VPS13B: variants seen among roughly 807,000 people sequenced by gnomAD.
VPS13B encodes vacuolar protein sorting 13 homolog B.
VPS13B carries 285 observed loss-of-function variants against 426.4 expected under a neutral mutation model. That is an observed-to-expected ratio of 0.67 (90% CI 0.61 to 0.74). The LOEUF (loss-of-function observed/expected upper bound fraction) is 0.74, where lower values mean the gene tolerates loss of function less well. VPS13B is among the 30% of genes least tolerant of loss of function. The pLI is 0.00. For synonymous variants in VPS13B, 1,676 were observed against 1,676.4 expected (o/e 1.00, Z 0.01); for missense variants, 4,537 against 4,782.6 (o/e 0.95, Z 1.51).
At chr8:99,273,825 C>T (rs1045560086) in intron 17 of VPS13B, among the ~76,000 whole-genome samples, 8 of 151,804 alleles carry the variant, frequency 5.3e-5, no homozygotes, top group Admixed American at 3.9e-4. Flanking sequence ...ATAAAGTCTT[C>T]GCCTAAATTA....
At chr8:99,543,976 G>T (rs375545961) in intron 30 of VPS13B, among the ~76,000 whole-genome samples, 7 of 143,558 alleles carry the variant, frequency 4.9e-5, no homozygotes, top group African/African-American at 7.9e-5. Flanking sequence ...TATACCCAAA[G>T]GACTATAAAT....
At chr8:99,385,120 A>T (rs1814044552) in intron 20 of VPS13B, among the ~76,000 whole-genome samples, 1 of 152,250 alleles carries the variant, frequency 6.6e-6, no homozygotes, top group Non-Finnish European at 1.5e-5. Context: ...ATAAATTAGA[A>T]AGTAGTAAGT....
At chr8:99,776,685 G>A in intron 40 of VPS13B, 90 bp from the exon 41 acceptor site, 1 of 1,233,508 alleles carries the variant, frequency 8.1e-7, no homozygotes, top group South Asian at 1.2e-5. Context: ...TTCAGTACTA[G>A]TTTTAGAAAC....
At chr8:99,865,269 C>T (rs1034211746) in intron 58 of VPS13B, among the ~76,000 whole-genome samples, 2 of 152,256 alleles carry the variant, frequency 1.3e-5, no homozygotes, top group Non-Finnish European at 2.9e-5. Flanking sequence ...TGAGAAAGGA[C>T]GTGCAGCTCC....
intron 17 of VPS13B, among the ~76,000 whole-genome samples, chr8:99,272,644 C>G (rs1394212219): frequency 6.6e-6 from 1 of 152,004 alleles, no homozygotes; most frequent in East Asian, 1.9e-4. Context: ...ATGAGGTTCT[C>G]CCTTTTGATT....
intron 17 of VPS13B, among the ~76,000 whole-genome samples, chr8:99,246,985 AATAG>A (rs554291496): frequency 3.9e-4 from 60 of 152,366 alleles, no homozygotes; most frequent in Non-Finnish European, 8.1e-4. Context: ...TTTCTTGCCT[AATAG>A]ATAGTGAACT....
chr8:99,471,923 A>G (rs3134160), intron 24 of VPS13B, among the ~76,000 whole-genome samples: 40,558 of 152,048 alleles, frequency 0.27, 6,198 homozygotes, highest in East Asian at 0.45. Flanking sequence ...GGGAAGTAAA[A>G]CAAGATGCTA....
intron 51 of VPS13B, among the ~76,000 whole-genome samples, chr8:99,825,834 C>T (rs1342714989): frequency 6.6e-6 from 1 of 152,164 alleles, no homozygotes; most frequent in East Asian, 1.9e-4. Flanking sequence ...AGAATCCTTT[C>T]CTCATTGCTT....
At chr8:99,665,019 G>A (rs1830422226) in intron 35 of VPS13B, among the ~76,000 whole-genome samples, 1 of 152,188 alleles carries the variant, frequency 6.6e-6, no homozygotes, top group African/African-American at 2.4e-5. Context: ...TCTAACTGGT[G>A]TGGGATGGTA....
intron 43 of VPS13B, among the ~76,000 whole-genome samples, chr8:99,799,739 A>G (rs1044963012): frequency 6.6e-6 from 1 of 152,222 alleles, no homozygotes; most frequent in African/African-American, 2.4e-5. Flanking sequence ...CTTCTATTTT[A>G]CATTAAACTG....
At chr8:99,306,652 A>T (rs1218479433) in intron 19 of VPS13B, among the ~76,000 whole-genome samples, 2 of 152,110 alleles carry the variant, frequency 1.3e-5, no homozygotes, top group Non-Finnish European at 2.9e-5. Context: ...TTGGTGGAAC[A>T]AATTAAACTT....
intron 2 of VPS13B, among the ~76,000 whole-genome samples, chr8:99,014,522 G>A (rs1195739925): frequency 1.3e-5 from 2 of 151,920 alleles, no homozygotes; most frequent in African/African-American, 4.8e-5. Flanking sequence ...TGTCAGAATT[G>A]TTCGGTCTAC....
chr8:99,331,016 A>G (rs1348609942), intron 19 of VPS13B, among the ~76,000 whole-genome samples: 2 of 151,856 alleles, frequency 1.3e-5, no homozygotes, highest in Non-Finnish European at 2.9e-5. Flanking sequence ...ATACATTAAA[A>G]TGCTTTCATT....
At chr8:99,261,683 C>CA (rs1335814210) in intron 17 of VPS13B, among the ~76,000 whole-genome samples, 1 of 152,108 alleles carries the variant, frequency 6.6e-6, no homozygotes, top group Non-Finnish European at 1.5e-5. Flanking sequence ...TTCCCACCAA[C>CA]AGTGAATGAG....
In VPS13B at chr8:99,241,687, A is replaced by G. The variant is rs1816940426; in HGVS notation, c.2516-32511A>G. Among the ~76,000 whole-genome samples, 3 of 152,232 alleles carry G rather than the reference A, an allele frequency of 2.0e-5. No homozygotes were observed. The South Asian group carries it at 6.2e-4, about 31-fold the overall frequency. ...AATAGTGGAAAAGCCAGTTATTCAA[A>G]AGAACCTTTGAAAGAAGCAATTTTT... On this transcript the variant is annotated intron_variant, in intron 17 of 61. Transcript: ENST00000357162.
chr8:99,392,419 TATG>T (rs1262281180), intron 21 of VPS13B, among the ~76,000 whole-genome samples: 3 of 152,092 alleles, frequency 2.0e-5, no homozygotes, highest in Non-Finnish European at 4.4e-5. Flanking sequence ...CTCTAATTTT[TATG>T]ATGATTGGCT....
At chr8:99,021,847 A>G (rs1266799526) in intron 2 of VPS13B, among the ~76,000 whole-genome samples, 1 of 152,146 alleles carries the variant, frequency 6.6e-6, no homozygotes, top group East Asian at 1.9e-4. Context: ...TCCTGGGCTC[A>G]AATGATCTTC....
chr8:99,063,826 A>G (rs547992554), intron 3 of VPS13B, among the ~76,000 whole-genome samples: 1 of 152,274 alleles, frequency 6.6e-6, no homozygotes, highest in South Asian at 2.1e-4. Flanking sequence ...GTAGGGGCCA[A>G]CTGACACCTC....
At chr8:99,635,981 C>T (rs753034291) in intron 33 of VPS13B, among the ~76,000 whole-genome samples, 2 of 151,950 alleles carry the variant, frequency 1.3e-5, no homozygotes, top group African/African-American at 2.4e-5. Context: ...GCTACCAGTA[C>T]GGCTTTCAGC....
Sources: gnomAD v4.1 joint callset for allele counts (sites outside exome capture counted in the v4.1 genomes callset) on GRCh38, gnomAD v4.1.1 for gene constraint, MANE v1.5 for transcripts, NCBI Gene and HGNC (gene_info 2026-07-23, HGNC 2026-07-21) for gene names.